EIF3E: variants seen among roughly 807,000 people sequenced by gnomAD.
EIF3E encodes eIF-3 p48.
Under a neutral mutation model 59.3 loss-of-function variants are expected in EIF3E, and 25 were observed. That is an observed-to-expected ratio of 0.42 (90% CI 0.31 to 0.59). The LOEUF is 0.59. EIF3E is among the 20% of genes least tolerant of loss of function. The pLI, the probability that EIF3E is intolerant of heterozygous loss-of-function variation, is 0.15. For synonymous variants in EIF3E, 176 were observed against 170.2 expected (o/e 1.03, Z -0.26); for missense variants, 317 against 534.3 (o/e 0.59, Z 4.01).
At chr8:108,226,026 A>G (rs377215641) in intron 7 of EIF3E, among the ~76,000 whole-genome samples, 1 of 152,248 alleles carries the variant, frequency 6.6e-6, no homozygotes, top group South Asian at 2.1e-4. Flanking sequence ...CGACTTTAAA[A>G]CCAAGTAACA....
intron 1 of EIF3E, 101 bp from the exon 2 acceptor site, chr8:108,242,014 T>C: frequency 8.1e-7 from 1 of 1,237,162 alleles, no homozygotes; most frequent in Non-Finnish European, 1.1e-6. Flanking sequence ...CAAGAAATAC[T>C]TTATAAAATA....
intron 1 of EIF3E, among the ~76,000 whole-genome samples, chr8:108,248,397 C>T (rs1016507836): frequency 4.0e-4 from 61 of 152,292 alleles, no homozygotes; most frequent in African/African-American, 1.4e-3. Context: ...GACTTCTTTT[C>T]TCTCTCCGTA....
At chr8:108,234,036 ATATT>A (rs1001582128) in intron 5 of EIF3E, among the ~76,000 whole-genome samples, 15 of 151,832 alleles carry the variant, frequency 9.9e-5, no homozygotes, top group African/African-American at 3.6e-4. Flanking sequence ...GGCCTGATAT[ATATT>A]TATTTATTTA....
At chr8:108,242,684 T>C (rs1815860849) in intron 1 of EIF3E, 15 of 1,121,774 alleles carry the variant, frequency 1.3e-5, no homozygotes, top group South Asian at 8.8e-5. Context: ...CCAAATTACA[T>C]GCAGAACTCC....
At chr8:108,242,371 A>G (rs1815855553) in intron 1 of EIF3E, 3 of 1,289,332 alleles carry the variant, frequency 2.3e-6, no homozygotes, top group South Asian at 1.2e-5. Flanking sequence ...TAAGTCAACC[A>G]TGTCAGATCA....
intron 7 of EIF3E, chr8:108,226,280 A>G (rs893119637): frequency 6.9e-6 from 1 of 144,164 alleles, no homozygotes; most frequent in African/African-American, 2.6e-5. Flanking sequence ...TGCAACCTCC[A>G]CCTCCCAAAC....
chr8:108,227,188 G>T (rs1815531362), intron 7 of EIF3E: 1 of 152,310 alleles, frequency 6.6e-6, no homozygotes, highest in East Asian at 1.9e-4. Context: ...GCCAGGCATG[G>T]TGGCATGTGC....
chr8:108,244,727 T>C (rs948296471), intron 1 of EIF3E, among the ~76,000 whole-genome samples: 16 of 152,096 alleles, frequency 1.1e-4, no homozygotes, highest in African/African-American at 3.9e-4. Flanking sequence ...TTTCAAAGAT[T>C]TTCTCTTCAG....
intron 10 of EIF3E, among the ~76,000 whole-genome samples, chr8:108,204,744 TATAGAGAGAGAG>T (rs1471792326): frequency 8.2e-4 from 84 of 102,692 alleles, no homozygotes; most frequent in African/African-American, 3.5e-3. Context: ...TATATATATA[TATAGAGAGAGAG>T]AGAGAGAGAG....
intron 1 of EIF3E, among the ~76,000 whole-genome samples, chr8:108,244,077 T>G (rs1035111578): frequency 5.9e-5 from 9 of 152,322 alleles, no homozygotes; most frequent in African/African-American, 2.2e-4. Context: ...TTGAAAATAC[T>G]ATATAAGTAC....
At chr8:108,228,007 A>C (rs997146138) in intron 7 of EIF3E, 2 of 287,906 alleles carry the variant, frequency 6.9e-6, no homozygotes, top group Middle Eastern at 2.0e-3. Context: ...GTGAGTCCTG[A>C]GATTCTATAT....
intron 10 of EIF3E, among the ~76,000 whole-genome samples, chr8:108,213,278 A>G (rs529367998): frequency 6.6e-6 from 1 of 152,350 alleles, no homozygotes; most frequent in African/African-American, 2.4e-5. Flanking sequence ...AGCAAACACC[A>G]AAGCAGACAA....
At chr8:108,231,851 T>C (rs577226262) in intron 5 of EIF3E, 50 of 151,992 alleles carry the variant, frequency 3.3e-4, no homozygotes, top group African/African-American at 1.2e-3. Flanking sequence ...GTCTTTTCTT[T>C]TTTTTTTTAA....
At chr8:108,211,204 G>A (rs1246226999) in intron 10 of EIF3E, among the ~76,000 whole-genome samples, 3 of 152,118 alleles carry the variant, frequency 2.0e-5, no homozygotes, top group Non-Finnish European at 4.4e-5. Context: ...CTAGTTTACA[G>A]TCCCACCAAC....
intron 10 of EIF3E, 85 bp from the exon 11 acceptor site, chr8:108,203,588 A>G: frequency 9.6e-7 from 1 of 1,039,376 alleles, no homozygotes; most frequent in South Asian, 1.3e-5. Flanking sequence ...CACACTCTGC[A>G]TAGATACTTT....
At chr8:108,204,310 C>A (rs1248495590) in intron 10 of EIF3E, among the ~76,000 whole-genome samples, 1 of 151,992 alleles carries the variant, frequency 6.6e-6, no homozygotes, top group East Asian at 1.9e-4. Flanking sequence ...ACGTGCCCAT[C>A]AACTAATGAG....
At chr8:108,229,636 A>G (rs1815584513) in intron 5 of EIF3E, among the ~76,000 whole-genome samples, 1 of 152,168 alleles carries the variant, frequency 6.6e-6, no homozygotes, top group Non-Finnish European at 1.5e-5. Context: ...GAACCAAAAA[A>G]TATTTCCAAA....
At chr8:108,243,972 G>A (rs1323668175) in intron 1 of EIF3E, among the ~76,000 whole-genome samples, 12 of 152,104 alleles carry the variant, frequency 7.9e-5, no homozygotes, top group Admixed American at 3.9e-4. Flanking sequence ...CTACCATCAG[G>A]TGTTACTGTC....
chr8:108,206,009 G>A (rs702802), intron 10 of EIF3E, among the ~76,000 whole-genome samples: 76,228 of 151,902 alleles, frequency 0.5, 19,186 homozygotes, highest in African/African-American at 0.58. Flanking sequence ...CCTTGGGTAA[G>A]GGGAGACTAC....
Sources: allele counts gnomAD v4.1 joint callset (sites outside exome capture counted in the v4.1 genomes callset), GRCh38; gene constraint gnomAD v4.1.1; transcripts MANE v1.5; gene names NCBI Gene and HGNC (gene_info 2026-07-23, HGNC 2026-07-21).